Variants in ABLIM2 observed in about 807,000 individuals in gnomAD.
The protein encoded by ABLIM2 is actin-binding LIM protein 2.
In ABLIM2, 53 loss-of-function variants were observed where a neutral mutation model predicts 97.7. The ratio of observed to expected loss-of-function variants is 0.54; its 90% CI spans 0.44 to 0.68. The LOEUF (loss-of-function observed/expected upper bound fraction) is 0.68. ABLIM2 is among the 30% of genes least tolerant of loss of function. The pLI is 0.00. For synonymous variants in ABLIM2, 361 were observed against 345.8 expected (o/e 1.04, Z -0.49); for missense variants, 835 against 867.2 (o/e 0.96, Z 0.47).
At chr4:8,059,952 C>T (rs1163003518) in intron 7 of ABLIM2, among the ~76,000 whole-genome samples, 1 of 150,970 alleles carries the variant, frequency 6.6e-6, no homozygotes, top group Non-Finnish European at 1.5e-5. Context: ...AAAGCTGCCT[C>T]TTGGAGATCT....
chr4:8,096,658 T>G (rs1223618404), intron 3 of ABLIM2, among the ~76,000 whole-genome samples: 1 of 152,238 alleles, frequency 6.6e-6, no homozygotes, highest in East Asian at 1.9e-4. Context: ...TTTTTCATGT[T>G]TCTCTTCTTT....
rs773055070 is a variant in ABLIM2 at position 8,001,879 on chromosome 4, C to A, written c.1618+6180G>T. The stretch of plus-strand genomic sequence containing the variant: ...TTCCTCTGTGGAATCTCCTGCCCCC[C>A]GATGGCACCTTCCCACCTGCCCGCT... On this transcript the variant is annotated intron_variant, in intron 16 of 20. Coordinates refer to ENST00000447017, the MANE Select transcript of ABLIM2 (RefSeq NM_001130083.2). The surrounding 1 kb of genome is among the most constrained non-coding windows in gnomAD (Gnocchi z 4.2). Among the ~76,000 whole-genome samples the A allele has an allele frequency of 6.6e-6, 1 of 152,212 alleles. No individual in the cohort carries two copies. The highest frequency in any genetic ancestry group is 1.5e-5 in the Non-Finnish European group (1 of 68,034).
chr4:8,072,628 GA>G lies in ABLIM2; in HGVS notation c.675+4999del, dbSNP rs1813025240. On this transcript the variant is annotated intron_variant, in intron 6 of 20. Coordinates refer to ENST00000447017, the MANE Select transcript of ABLIM2 (RefSeq NM_001130083.2). The surrounding 1 kb of genome is among the most constrained non-coding windows in gnomAD (Gnocchi z 5.8). ...ACCAGGAGAAGACAAAGGGTTGGGGGAAACCTGCGCACCCCGGGCTCCAGTC... is the reference window on the plus strand; with the variant it reads ...ACCAGGAGAAGACAAAGGGTTGGGGGAACCTGCGCACCCCGGGCTCCAGTC... Among the ~76,000 whole-genome samples the G allele has an allele frequency of 6.6e-6, 1 of 152,242 alleles. No homozygotes were observed. The highest frequency in any genetic ancestry group is 2.4e-5 in the African/African-American group (1 of 41,476).
At chr4:8,136,694 C>T (rs897571554) in intron 1 of ABLIM2, among the ~76,000 whole-genome samples, 2 of 152,188 alleles carry the variant, frequency 1.3e-5, no homozygotes, top group African/African-American at 2.4e-5. Flanking sequence ...CCGACAAGGC[C>T]GAGGGAAGCG....
At chr4:8,096,711 G>C (rs1425320497) in intron 3 of ABLIM2, among the ~76,000 whole-genome samples, 1 of 152,244 alleles carries the variant, frequency 6.6e-6, no homozygotes, top group Non-Finnish European at 1.5e-5. Context: ...GAACGAGTCA[G>C]GGGCTGGGGA....
chr4:8,155,124 G>A lies in ABLIM2; in HGVS notation c.10+3556C>T, dbSNP rs557194277. 7.9e-5 allele frequency among the ~76,000 whole-genome samples: 12 copies of A among 152,312 alleles called. No homozygotes were observed. In the South Asian group the frequency reaches 1.9e-3, roughly 24 times the overall value. On this transcript the variant is annotated intron_variant, in intron 1 of 20. Coordinates refer to ENST00000447017, the MANE Select transcript of ABLIM2 (RefSeq NM_001130083.2). This position sits in a 1 kb window ranked among gnomAD's most constrained non-coding sequence, Gnocchi z 4.2. The stretch of plus-strand genomic sequence containing the variant: ...ATGTGGGTGGGGACACAGCCAGACC[G>A]TATCAGCTCATAGTAGGCATTTTGT...
intron 1 of ABLIM2, among the ~76,000 whole-genome samples, chr4:8,143,857 C>T (rs1423856895): frequency 6.6e-6 from 1 of 152,192 alleles, no homozygotes; most frequent in East Asian, 1.9e-4. Flanking sequence ...CCTGTCAGCC[C>T]TGGGGTGGGG....
At chr4:8,024,472 A>G (rs1486587144) in intron 12 of ABLIM2, among the ~76,000 whole-genome samples, 3 of 152,116 alleles carry the variant, frequency 2.0e-5, no homozygotes, top group Non-Finnish European at 4.4e-5. Flanking sequence ...CCGGAGGGAA[A>G]TGTCCACTGA....
rs902800852 is a variant in ABLIM2 at position 8,095,548 on chromosome 4, A to G, written c.338+1551T>C. On this transcript the variant is annotated intron_variant, in intron 3 of 20. Transcript: ENST00000447017. The surrounding 1 kb of genome is among the most constrained non-coding windows in gnomAD (Gnocchi z 4.7). ...GCAGATCAACATGATCTTTTTTAAA[A>G]AATAATTAATTAAAAAATAGAGATG... Among the ~76,000 whole-genome samples the G allele has an allele frequency of 1.3e-5, 2 of 152,184 alleles. No homozygotes were observed. Among genetic ancestry groups the G allele is most frequent in the East Asian group, 3.8e-4 (2 of 5,202 alleles).
chr4:8,077,807 C>T, intron 5 of ABLIM2, 86 bp from the exon 6 acceptor site: 1 of 1,201,906 alleles, frequency 8.3e-7, no homozygotes, highest in Non-Finnish European at 1.2e-6. Context: ...AGAGAGTCTG[C>T]CCTCAAAGTG....
rs1755022033 is a variant in ABLIM2 at position 7,998,631 on chromosome 4, C to T, written c.1619-5704G>A. 2.0e-6 allele frequency: 1 copy of T among 506,968 alleles called. No individual in the cohort carries two copies. The highest frequency in any genetic ancestry group is 5.6e-5 in the East Asian group (1 of 17,752). 31.4% of individuals were successfully genotyped at this position (506,968 alleles called of 1,614,324 possible). On this transcript the variant is annotated intron_variant, in intron 16 of 20. Transcript: ENST00000447017. This position sits in a 1 kb window ranked among gnomAD's most constrained non-coding sequence, Gnocchi z 6.4. ...GCCACCTGCCCATCTGCTAGTGTGG[C>T]TGCAGGAGGAAAACACCTGCCTCGT...
chr4:7,969,306 T>A (rs1725623301), intron 20 of ABLIM2, among the ~76,000 whole-genome samples: 2 of 151,840 alleles, frequency 1.3e-5, no homozygotes, highest in African/African-American at 4.8e-5. Flanking sequence ...TTACAAAAAT[T>A]AGCTGGGTGC....
chr4:8,032,132 C>T lies in ABLIM2; in HGVS notation c.1048-2356G>A, dbSNP rs533086610. Among the ~76,000 whole-genome samples, 12 of 152,076 alleles carry T rather than the reference C, an allele frequency of 7.9e-5. No individual in the cohort carries two copies. In the South Asian group the frequency reaches 1.7e-3, roughly 21 times the overall value. On this transcript the variant is annotated intron_variant, in intron 10 of 20. Coordinates refer to ENST00000447017, the MANE Select transcript of ABLIM2 (RefSeq NM_001130083.2). The surrounding 1 kb of genome is among the most constrained non-coding windows in gnomAD (Gnocchi z 4.3). ...CCATGACACCTTTCTGCTGTGGCCACCCGTGCGGCCGCACAGACTGCAGTC... is the reference window on the plus strand; with the variant it reads ...CCATGACACCTTTCTGCTGTGGCCATCCGTGCGGCCGCACAGACTGCAGTC...
At chr4:8,086,250 A>C (rs542592083) in intron 4 of ABLIM2, among the ~76,000 whole-genome samples, 5 of 149,978 alleles carry the variant, frequency 3.3e-5, no homozygotes, top group African/African-American at 1.2e-4. Context: ...TGGAGAGGGC[A>C]CAGCCTTTCT....
In ABLIM2 at chr4:7,998,262, G is replaced by A. The variant is rs560557252; in HGVS notation, c.1619-5335C>T. Among the ~76,000 whole-genome samples, 111 of 152,126 alleles carry A rather than the reference G, an allele frequency of 7.3e-4. No homozygotes were observed. The highest frequency in any genetic ancestry group is 2.5e-3 in the African/African-American group (105 of 41,512). On this transcript the variant is annotated intron_variant, in intron 16 of 20. Coordinates refer to ENST00000447017, the MANE Select transcript of ABLIM2 (RefSeq NM_001130083.2). This position sits in a 1 kb window ranked among gnomAD's most constrained non-coding sequence, Gnocchi z 6.4. ...ACGGGTAATTTTTCTGCAGTATCCT[G>A]GGCATTTTGGATATTATGTTAGAAG... is the stretch of plus-strand genomic sequence containing the variant.
intron 1 of ABLIM2, among the ~76,000 whole-genome samples, chr4:8,156,794 T>C (rs1288895219): frequency 1.3e-5 from 2 of 152,218 alleles, no homozygotes; most frequent in East Asian, 3.9e-4. Flanking sequence ...ACATACACAG[T>C]GGCCGGACGT....
Position 8,022,251 on chromosome 4 carries a change from A to T in ABLIM2, c.1268-1948T>A, listed in dbSNP as rs938742200. 6.6e-6 allele frequency among the ~76,000 whole-genome samples: 1 copy of T among 152,102 alleles called. No individual in the cohort carries two copies. The highest frequency in any genetic ancestry group is 6.5e-5 in the Admixed American group (1 of 15,284). On this transcript the variant is annotated intron_variant, in intron 12 of 20. Coordinates refer to ENST00000447017, the MANE Select transcript of ABLIM2 (RefSeq NM_001130083.2). This position sits in a 1 kb window ranked among gnomAD's most constrained non-coding sequence, Gnocchi z 7.8. ...GGCCAGGAAGGGCTGGTTTCTTCCT[A>T]TCTGGAATCATGGCCCCTGATCTGC...
intron 20 of ABLIM2, 94 bp downstream of exon 20, chr4:7,983,170 C>A (rs1193966204): frequency 7.4e-7 from 1 of 1,343,246 alleles, no homozygotes; most frequent in Non-Finnish European, 1.0e-6. Flanking sequence ...CCCACGGTGG[C>A]CCCTTGGGCA....
chr4:7,981,450 T>C (rs1269189567), intron 20 of ABLIM2, among the ~76,000 whole-genome samples: 1 of 152,132 alleles, frequency 6.6e-6, no homozygotes, highest in African/African-American at 2.4e-5. Flanking sequence ...CGGAAACATA[T>C]AAACCAAGCT....
Sources: allele counts gnomAD v4.1 joint callset (sites outside exome capture counted in the v4.1 genomes callset), GRCh38; gene constraint gnomAD v4.1.1; non-coding constraint Gnocchi (gnomAD v3.1); transcripts MANE v1.5; gene names NCBI Gene and HGNC (gene_info 2026-07-23, HGNC 2026-07-21).